Variants in PTK2B observed in about 807,000 individuals in gnomAD.
The protein encoded by PTK2B is protein tyrosine kinase 2 beta.
A neutral mutation model predicts 142.9 loss-of-function variants in PTK2B; 71 were observed. The ratio of observed to expected loss-of-function variants is 0.50; its 90% confidence interval spans 0.41 to 0.61. The LOEUF is 0.61. Ranked by LOEUF, PTK2B falls within the 20% of genes least tolerant of loss-of-function variation. The pLI, the probability that PTK2B is intolerant of heterozygous loss-of-function variation, is 0.00. For missense variants in PTK2B, 1,105 were observed against 1,320.4 expected, an observed-to-expected ratio of 0.84 and a Z score of 2.53; for synonymous variants, 519 against 503.4, an observed-to-expected ratio of 1.03 and a Z score of -0.42.
intron 2 of PTK2B, among the ~76,000 whole-genome samples, chr8:27,416,792 GA>G: frequency 6.6e-6 from 1 of 152,116 alleles, no homozygotes. Flanking sequence ...AAAAAATGGG[GA>G]AAAGATTCAA....
chr8:27,433,418 T>C lies in PTK2B; in HGVS notation c.988-17T>C. On this transcript the variant is annotated splice_polypyrimidine_tract_variant and intron_variant, in intron 10 of 30. Coordinates refer to ENST00000346049, the MANE Select transcript of PTK2B (RefSeq NM_173176.3). Reference sequence around the variant, plus strand: ...AAGGCTCTGGGGTCTCACCCTTGGCTGGTCTCTGCTCCGCAGGCCTTGTCC... The same window carrying C: ...AAGGCTCTGGGGTCTCACCCTTGGCCGGTCTCTGCTCCGCAGGCCTTGTCC... The C allele has an allele frequency of 6.2e-7, 1 of 1,605,466 alleles. No individual in the cohort carries two copies. Among genetic ancestry groups the C allele is most frequent in the Non-Finnish European group, 8.5e-7 (1 of 1,172,374 alleles).
chr8:27,366,009 G>A (rs1394033957), intron 1 of PTK2B, among the ~76,000 whole-genome samples: 5 of 152,184 alleles, frequency 3.3e-5, no homozygotes, highest in Non-Finnish European at 5.9e-5. Context: ...GAAACATGAG[G>A]CTTCTGGCAG....
rs1208942580 is a variant in PTK2B, at chr8:27,442,867, C to T, written c.2040-8C>T. The stretch of plus-strand genomic sequence containing the variant: ...GTTTCTCTCCTTATCTGACGTGACT[C>T]CCTGCAGTGACGTTTATCAGATGGA... On this transcript the variant is annotated splice_region_variant and splice_polypyrimidine_tract_variant and intron_variant, in intron 21 of 30. Coordinates refer to ENST00000346049, the MANE Select transcript of PTK2B (RefSeq NM_173176.3). The T allele has an allele frequency of 6.2e-7, 1 of 1,610,774 alleles. No homozygotes were observed. The highest frequency in any genetic ancestry group is 8.5e-7 in the Non-Finnish European group (1 of 1,176,934).
chr8:27,387,613 A>T (rs1383501765), intron 1 of PTK2B, among the ~76,000 whole-genome samples: 1 of 152,072 alleles, frequency 6.6e-6, no homozygotes, highest in East Asian at 1.9e-4. Flanking sequence ...CTCAGCTTTC[A>T]CTGCTGAGGT....
intron 30 of PTK2B, among the ~76,000 whole-genome samples, chr8:27,456,924 A>G (rs1035510132): frequency 6.6e-6 from 1 of 152,224 alleles, no homozygotes; most frequent in East Asian, 1.9e-4. Context: ...AGATTCAGGA[A>G]GTTGCAGAAG....
chr8:27,359,496 G>T (rs114846873), intron 1 of PTK2B, among the ~76,000 whole-genome samples: 3,534 of 152,260 alleles, frequency 0.023, 139 homozygotes, highest in African/African-American at 0.079. Context: ...TGCATCTGCT[G>T]CCCCTTTCTC....
At chr8:27,452,978 C>T in intron 27 of PTK2B, 136 bp from the exon 28 acceptor site, 2 of 1,047,264 alleles carry the variant, frequency 1.9e-6, no homozygotes, top group Admixed American at 2.3e-5. Context: ...CCCCTGCCCG[C>T]TTCCTGGATT....
At chr8:27,320,868 G>C (rs1484412100), upstream of PTK2B, among the ~76,000 whole-genome samples, 1 of 148,406 alleles carries the variant, frequency 6.7e-6, no homozygotes, top group Non-Finnish European at 1.5e-5. Flanking sequence ...AGCGCTGAAA[G>C]TTCAGCCTTC....
intron 1 of PTK2B, among the ~76,000 whole-genome samples, chr8:27,343,404 A>G (rs1285842463): frequency 6.6e-6 from 1 of 152,142 alleles, no homozygotes; most frequent in African/African-American, 2.4e-5. Flanking sequence ...GAAAGTCACA[A>G]ATGACTTTGA....
chr8:27,456,769 C>G (rs1300406642), intron 30 of PTK2B, among the ~76,000 whole-genome samples: 2 of 152,178 alleles, frequency 1.3e-5, no homozygotes. Flanking sequence ...CCAGTGAACA[C>G]ATGAATGATA....
intron 1 of PTK2B, among the ~76,000 whole-genome samples, chr8:27,354,993 ACGACTCTTTT>A (rs1386388108): frequency 7.2e-5 from 11 of 152,148 alleles, no homozygotes; most frequent in African/African-American, 2.7e-4. Context: ...CTTACAGTAA[ACGACTCTTTT>A]TGATTCTGCC....
chr8:27,406,913 G>A (rs970556580), intron 2 of PTK2B, among the ~76,000 whole-genome samples: 3 of 152,188 alleles, frequency 2.0e-5, no homozygotes, highest in African/African-American at 7.2e-5. Context: ...GAATGGTATA[G>A]TAACTGCTTT....
intron 2 of PTK2B, among the ~76,000 whole-genome samples, chr8:27,418,755 C>T (rs1159517510): frequency 2.0e-5 from 3 of 152,058 alleles, no homozygotes; most frequent in East Asian, 1.9e-4. Context: ...AGTCCGGGCG[C>T]GGTGGCTCAC....
chr8:27,443,435 A>G (rs2132294317), intron 22 of PTK2B, among the ~76,000 whole-genome samples: 1 of 152,320 alleles, frequency 6.6e-6, no homozygotes, highest in Middle Eastern at 3.4e-3. Context: ...TGCTGCAACA[A>G]AAGACCACAG....
At chr8:27,328,964 G>A (rs1425549998) in intron 1 of PTK2B, among the ~76,000 whole-genome samples, 3 of 150,754 alleles carry the variant, frequency 2.0e-5, no homozygotes, top group African/African-American at 7.3e-5. Flanking sequence ...TTGAGATGGA[G>A]TCTCACTCTG....
chr8:27,402,748 T>C (rs779504718), intron 2 of PTK2B, among the ~76,000 whole-genome samples: 1 of 152,140 alleles, frequency 6.6e-6, no homozygotes, highest in East Asian at 1.9e-4. Flanking sequence ...CAGGAAAACA[T>C]AGGTCTTGTG....
chr8:27,405,492 A>G (rs762273601), intron 2 of PTK2B, among the ~76,000 whole-genome samples: 2 of 152,240 alleles, frequency 1.3e-5, no homozygotes, highest in Non-Finnish European at 2.9e-5. Flanking sequence ...TCTCCCATGC[A>G]TGAAAATAGT....
chr8:27,444,383 G>C, intron 23 of PTK2B, 112 bp downstream of exon 23: 2 of 1,210,054 alleles, frequency 1.7e-6, no homozygotes, highest in Non-Finnish European at 2.4e-6. Flanking sequence ...TGATGGAGAT[G>C]GCCTAGGTTG....
chr8:27,313,460 A>C (rs576351270), intron 3 of PTK2B, among the ~76,000 whole-genome samples: 2 of 152,326 alleles, frequency 1.3e-5, no homozygotes, highest in East Asian at 3.9e-4. Context: ...AAGAAAGTAC[A>C]CTTGGAAGAG....
Sources: gnomAD v4.1 joint callset for allele counts (sites outside exome capture counted in the v4.1 genomes callset) on GRCh38, gnomAD v4.1.1 for gene constraint, MANE v1.5 for transcripts, NCBI Gene and HGNC (gene_info 2026-07-23, HGNC 2026-07-21) for gene names.